The following WWOX variants were observed in gnomAD, a reference collection of about 807,000 sequenced individuals.
The protein encoded by WWOX is WW domain-containing oxidoreductase.
WWOX carries 69 observed loss-of-function variants against 46.2 expected under a neutral mutation model. That is an observed-to-expected ratio of 1.49 (90% CI 1.23 to 1.82). The LOEUF (loss-of-function observed/expected upper bound fraction) is 1.82, where lower values mean the gene tolerates loss of function less well. Among genes scored for constraint, WWOX ranks in the 40% most tolerant of loss-of-function variants. The probability of loss-of-function intolerance (pLI) is 0.00; values close to 1 mark genes in which losing one functional copy is unlikely to be tolerated. For missense variants in WWOX, 919 were observed against 542.6 expected (o/e 1.69, Z -6.89); for synonymous variants, 359 against 202.6 (o/e 1.77, Z -6.56).
intron 8 of WWOX, among the ~76,000 whole-genome samples, chr16:78,738,554 A>G (rs1031719023): frequency 6.6e-6 from 1 of 152,078 alleles, no homozygotes; most frequent in East Asian, 2.0e-4. Flanking sequence ...TCTCACTTTT[A>G]TTAGAAGAGT....
intron 8 of WWOX, among the ~76,000 whole-genome samples, chr16:78,540,630 A>G (rs897173374): frequency 3.3e-5 from 5 of 151,914 alleles, no homozygotes; most frequent in Non-Finnish European, 7.4e-5. Context: ...GTTAGCTCCT[A>G]CCTGAGCTCT....
At chr16:78,735,491 C>G (rs1447639529) in intron 8 of WWOX, among the ~76,000 whole-genome samples, 3 of 151,958 alleles carry the variant, frequency 2.0e-5, no homozygotes, top group African/African-American at 7.3e-5. Flanking sequence ...TTTTGACGTG[C>G]TTGAACTCGA....
chr16:78,582,289 G>C (rs941438139), intron 8 of WWOX, among the ~76,000 whole-genome samples: 3 of 152,154 alleles, frequency 2.0e-5, no homozygotes, highest in Non-Finnish European at 4.4e-5. Flanking sequence ...ATTGCTGTTG[G>C]ATTATGTTAC....
At chr16:79,115,613 A>C (rs2150665585) in intron 8 of WWOX, among the ~76,000 whole-genome samples, 1 of 152,348 alleles carries the variant, frequency 6.6e-6, no homozygotes, top group African/African-American at 2.4e-5. Flanking sequence ...AGAAAGATCT[A>C]AGTGTGATAT....
chr16:78,456,328 G>T (rs1262102344), intron 8 of WWOX, among the ~76,000 whole-genome samples: 1 of 152,128 alleles, frequency 6.6e-6, no homozygotes, highest in African/African-American at 2.4e-5. Flanking sequence ...GGGCTGAGAG[G>T]CAAGAGAAGA....
intron 8 of WWOX, among the ~76,000 whole-genome samples, chr16:78,835,728 C>G (rs1444188167): frequency 1.3e-5 from 2 of 152,176 alleles, no homozygotes; most frequent in African/African-American, 4.8e-5. Context: ...ATTGAGCAAA[C>G]TAGGCTCCAG....
chr16:79,000,039 G>T (rs556348031), intron 8 of WWOX, among the ~76,000 whole-genome samples: 5 of 152,238 alleles, frequency 3.3e-5, no homozygotes, highest in South Asian at 4.1e-4. Flanking sequence ...TTCCCCAGCT[G>T]AAATAGCGAA....
chr16:78,422,129 T>C (rs1259337496), intron 6 of WWOX, among the ~76,000 whole-genome samples: 1 of 152,238 alleles, frequency 6.6e-6, no homozygotes, highest in Non-Finnish European at 1.5e-5. Context: ...CCACTGTTTC[T>C]GTTAGACTCT....
chr16:79,182,082 C>G (rs1473043662), intron 8 of WWOX, among the ~76,000 whole-genome samples: 2 of 151,374 alleles, frequency 1.3e-5, no homozygotes, highest in Non-Finnish European at 2.9e-5. Context: ...CCACCCTACC[C>G]AAAGGATGAT....
intron 8 of WWOX, among the ~76,000 whole-genome samples, chr16:78,436,213 A>T (rs993658983): frequency 1.3e-5 from 2 of 152,312 alleles, no homozygotes; most frequent in Non-Finnish European, 2.9e-5. Context: ...CTCTGCTGAC[A>T]GAACAAGAGT....
intron 6 of WWOX, among the ~76,000 whole-genome samples, chr16:78,418,870 T>G (rs1189017451): frequency 6.6e-6 from 1 of 152,012 alleles, no homozygotes; most frequent in Non-Finnish European, 1.5e-5. Context: ...TACCGTCCCC[T>G]TAGGATCAAG....
chr16:79,179,416 C>A (rs142213306), intron 8 of WWOX, among the ~76,000 whole-genome samples: 56 of 152,348 alleles, frequency 3.7e-4, no homozygotes, highest in Admixed American at 3.1e-3. Context: ...TAATGCCTGA[C>A]CAACTAATGG....
At chr16:78,292,685 C>G (rs1262998911) in intron 5 of WWOX, among the ~76,000 whole-genome samples, 3 of 151,958 alleles carry the variant, frequency 2.0e-5, no homozygotes, top group African/African-American at 7.3e-5. Flanking sequence ...TGGAGCAATT[C>G]TGGCACTGCT....
At chr16:78,702,007 T>TTATATATATATATATATATATATATATA (rs869227421) in intron 8 of WWOX, among the ~76,000 whole-genome samples, 3 of 57,624 alleles carry the variant, frequency 5.2e-5, no homozygotes, top group African/African-American at 2.0e-4. Flanking sequence ...CTACATAAAA[T>TTATATATATATATATATATATATATATA]TATATATATA....
intron 8 of WWOX, among the ~76,000 whole-genome samples, chr16:78,718,583 T>G (rs933345805): frequency 2.6e-5 from 4 of 152,064 alleles, no homozygotes; most frequent in Non-Finnish European, 5.9e-5. Context: ...GGTCCATGCC[T>G]CTAATCCTAG....
At chr16:78,400,748 C>G (rs966363649) in intron 6 of WWOX, among the ~76,000 whole-genome samples, 2 of 152,108 alleles carry the variant, frequency 1.3e-5, no homozygotes, top group Non-Finnish European at 2.9e-5. Flanking sequence ...AAAGCAAATC[C>G]AAGAGATCAT....
At chr16:78,593,918 T>C (rs528937970) in intron 8 of WWOX, among the ~76,000 whole-genome samples, 3 of 152,296 alleles carry the variant, frequency 2.0e-5, no homozygotes, top group African/African-American at 7.2e-5. Flanking sequence ...CTTTAGCAAT[T>C]GGAGTTGGAG....
chr16:79,113,497 A>G lies in WWOX; in HGVS notation c.1057-98111A>G, dbSNP rs917449001. 4.6e-5 allele frequency among the ~76,000 whole-genome samples: 7 copies of G among 152,230 alleles called. No homozygotes were observed. In the East Asian group the frequency reaches 1.3e-3, roughly 29 times the overall value. ...GCAATATTAGGGACATGCTAATACAATTATTCATTGTATATGTTAATTCAA... is the reference window on the plus strand; with the variant it reads ...GCAATATTAGGGACATGCTAATACAGTTATTCATTGTATATGTTAATTCAA... On this transcript the variant is annotated intron_variant, in intron 8 of 8. Transcript: ENST00000566780.
intron 5 of WWOX, among the ~76,000 whole-genome samples, chr16:78,386,142 G>T (rs1268565048): frequency 6.6e-6 from 1 of 152,194 alleles, no homozygotes; most frequent in Non-Finnish European, 1.5e-5. Flanking sequence ...TCTCTTGTAA[G>T]ATGCTGCATT....
Sources: gnomAD v4.1 joint callset for allele counts (sites outside exome capture counted in the v4.1 genomes callset) on GRCh38, gnomAD v4.1.1 for gene constraint, MANE v1.5 for transcripts, NCBI Gene and HGNC (gene_info 2026-07-23, HGNC 2026-07-21) for gene names.